PROS1: variants seen among roughly 807,000 people sequenced by gnomAD.
PROS1 encodes the protein protein S.
Under a neutral mutation model 75.9 loss-of-function variants are expected in PROS1, and 29 were observed. The ratio of observed to expected loss-of-function variants is 0.38; its 90% CI spans 0.28 to 0.52. PROS1 has a LOEUF of 0.52. Ranked by LOEUF, PROS1 falls within the 20% of genes least tolerant of loss-of-function variation. The probability of loss-of-function intolerance (pLI) is 0.83; values close to 1 mark genes in which losing one functional copy is unlikely to be tolerated. For synonymous variants in PROS1, 245 were observed against 280.6 expected (o/e 0.87, Z 1.27); for missense variants, 680 against 810.3 (o/e 0.84, Z 1.95).
chr3:93,877,564 A>G (rs2107126010), intron 13 of PROS1, among the ~76,000 whole-genome samples: 1 of 152,298 alleles, frequency 6.6e-6, no homozygotes, highest in South Asian at 2.1e-4. Context: ...CTTTGTTGAG[A>G]AAAGACTTGG....
chr3:93,904,637 G>A (rs1428402819), intron 6 of PROS1, among the ~76,000 whole-genome samples: 1 of 151,616 alleles, frequency 6.6e-6, no homozygotes, highest in Non-Finnish European at 1.5e-5. Flanking sequence ...AGCAAAACAA[G>A]CAAACAAAAA....
intron 3 of PROS1, among the ~76,000 whole-genome samples, chr3:93,923,994 TCATGAGAAAGA>T (rs1444425567): frequency 6.6e-6 from 1 of 151,882 alleles, no homozygotes; most frequent in African/African-American, 2.4e-5. Context: ...CCCAAGAGCT[TCATGAGAAAGA>T]CATGAGAAAG....
intron 1 of PROS1, among the ~76,000 whole-genome samples, chr3:93,957,822 G>T (rs1709628482): frequency 6.6e-6 from 1 of 152,138 alleles, no homozygotes; most frequent in South Asian, 2.1e-4. Context: ...ATTTTAAAAA[G>T]AGGCTTAATT....
chr3:93,924,936 T>G (rs1237207438), intron 2 of PROS1, among the ~76,000 whole-genome samples: 3 of 152,130 alleles, frequency 2.0e-5, no homozygotes, highest in African/African-American at 7.2e-5. Context: ...CCCAAAGTGC[T>G]GGAATTACAG....
chr3:93,912,296 T>C (rs115908492), intron 3 of PROS1, among the ~76,000 whole-genome samples: 2,033 of 152,280 alleles, frequency 0.013, 19 homozygotes, highest in Non-Finnish European at 0.021. Flanking sequence ...TCTCCTGCCA[T>C]CCTGTTATAA....
rs780414556 is a variant in PROS1, at chr3:93,893,117, G to A, written c.971C>T (p.Ser324Leu). The change falls in exon 10 of 15, where the codon TCA (serine) becomes TTA (leucine). Residue 324 changes from serine (S) to leucine (L), a missense_variant. Coordinates refer to ENST00000394236, the MANE Select transcript of PROS1 (RefSeq NM_000313.4). ...ATATGTCCGGAAATCAAATTCTGCT[G>A]AAAATCTAAACAATGGACAAAGAGA... ...KFRLPEISRFSAEFDFRTYDS... is the reference protein window; with the variant it reads ...KFRLPEISRFLAEFDFRTYDS... 1 of 1,611,426 alleles carries A rather than the reference G, an allele frequency of 6.2e-7. No homozygotes were observed. Among genetic ancestry groups the A allele is most frequent in the South Asian group, 1.1e-5 (1 of 90,914 alleles).
chr3:93,942,941 A>G (rs1412463866), intron 1 of PROS1, among the ~76,000 whole-genome samples: 1 of 152,158 alleles, frequency 6.6e-6, no homozygotes, highest in Non-Finnish European at 1.5e-5. Flanking sequence ...CAGGAAACTG[A>G]AATACCTCTT....
At chr3:93,929,304 C>A (rs902362646) in intron 1 of PROS1, among the ~76,000 whole-genome samples, 3 of 151,928 alleles carry the variant, frequency 2.0e-5, no homozygotes, top group Non-Finnish European at 4.4e-5. Context: ...AAAGAGAGAC[C>A]CCACATCTCC....
chr3:93,898,683 A>T, intron 7 of PROS1, 114 bp from the exon 8 acceptor site: 1 of 1,251,700 alleles, frequency 8.0e-7, no homozygotes, highest in Non-Finnish European at 1.2e-6. Context: ...ATCGAACCTT[A>T]GGGAAAGAAA....
At chr3:93,892,374 C>T (rs1276435256) in intron 10 of PROS1, among the ~76,000 whole-genome samples, 2 of 151,364 alleles carry the variant, frequency 1.3e-5, no homozygotes, top group Non-Finnish European at 2.9e-5. Flanking sequence ...TCTGTAATCC[C>T]AGGACTTTGG....
chr3:93,926,854 C>T (rs907260800), intron 2 of PROS1, among the ~76,000 whole-genome samples: 6 of 152,078 alleles, frequency 3.9e-5, no homozygotes, highest in African/African-American at 1.4e-4. Context: ...TGTAACTGAA[C>T]TATAGTTTAG....
chr3:93,905,426 C>T (rs1343890680), intron 6 of PROS1, among the ~76,000 whole-genome samples: 9 of 152,094 alleles, frequency 5.9e-5, no homozygotes, highest in Non-Finnish European at 1.3e-4. Context: ...ACATGATTAA[C>T]CCCATCTCTA....
In PROS1 at chr3:93,910,723, C is replaced by T; in HGVS notation, c.260-18G>A. 6.3e-7 allele frequency: 1 copy of T among 1,590,986 alleles called. No homozygotes were observed. The highest frequency in any genetic ancestry group is 8.6e-7 in the Non-Finnish European group (1 of 1,162,068). ...AAGACAAACTGAAAATAAAAACAAA[C>T]ATAATCTTCTTAGAGTAGACACACA... On this transcript the variant is annotated intron_variant, in intron 3 of 14. Coordinates refer to ENST00000394236, the MANE Select transcript of PROS1 (RefSeq NM_000313.4).
chr3:93,876,622 AATG>A lies in PROS1; in HGVS notation c.1870+341_1870+343del, dbSNP rs1708193122. 4.0e-5 allele frequency among the ~76,000 whole-genome samples: 6 copies of A among 151,268 alleles called. No homozygotes were observed. The South Asian group carries it at 1.3e-3, about 32-fold the overall frequency. On this transcript the variant is annotated intron_variant, in intron 14 of 14. Transcript: ENST00000394236. ...AAAAAAAAAAAAAAAAAGCTGGATA[AATG>A]ATAAGATGAACTGAATAATAGATGA...
intron 1 of PROS1, among the ~76,000 whole-genome samples, chr3:93,954,901 C>G (rs749827802): frequency 5.3e-5 from 8 of 152,142 alleles, no homozygotes; most frequent in Non-Finnish European, 1.2e-4. Flanking sequence ...ACAACCCCAT[C>G]AAAAAGTGGG....
chr3:93,890,773 A>G (rs1708421586), intron 10 of PROS1, among the ~76,000 whole-genome samples: 1 of 152,150 alleles, frequency 6.6e-6, no homozygotes, highest in African/African-American at 2.4e-5. Flanking sequence ...TAAATGAAGG[A>G]CCAAAATAAT....
intron 3 of PROS1, 64 bp from the exon 4 acceptor site, chr3:93,910,769 T>A: frequency 7.4e-7 from 1 of 1,353,820 alleles, no homozygotes; most frequent in Non-Finnish European, 1.0e-6. Flanking sequence ...GAATTCATGG[T>A]AGGAACTGTC....
chr3:93,908,876 G>A (rs1708714406), intron 4 of PROS1, among the ~76,000 whole-genome samples: 1 of 152,070 alleles, frequency 6.6e-6, no homozygotes. Context: ...GAAAATCCAG[G>A]ACCCAGCAAC....
intron 3 of PROS1, among the ~76,000 whole-genome samples, chr3:93,920,765 TTC>T (rs1415646861): frequency 6.6e-6 from 1 of 152,134 alleles, no homozygotes; most frequent in Non-Finnish European, 1.5e-5. Flanking sequence ...TTTGTTCACT[TTC>T]TTTTTCTTTT....
Sources: gnomAD v4.1 joint callset for allele counts (sites outside exome capture counted in the v4.1 genomes callset) on GRCh38, gnomAD v4.1.1 for gene constraint, MANE v1.5 for transcripts, NCBI Gene and HGNC (gene_info 2026-07-23, HGNC 2026-07-21) for gene names.